Variants in CDH18 observed in about 807,000 individuals in gnomAD.
The protein encoded by CDH18 is cadherin 18, also known as cadherin-18.
CDH18 carries 31 observed loss-of-function variants against 67.9 expected under a neutral mutation model. The observed-to-expected ratio is 0.46, with a 90% CI of 0.34 to 0.62. The LOEUF is 0.62. CDH18 is among the 20% of genes least tolerant of loss of function. The pLI is 0.01. For synonymous variants in CDH18, 362 were observed against 347.2 expected, an observed-to-expected ratio of 1.04 and a Z score of -0.48; for missense variants, 890 against 975.5, an observed-to-expected ratio of 0.91 and a Z score of 1.17.
chr5:19,934,228 T>A lies in CDH18; in HGVS notation c.-257+46832A>T, dbSNP rs1484549010. Among the ~76,000 whole-genome samples, 13 of 151,338 alleles carry A rather than the reference T, an allele frequency of 8.6e-5. No homozygotes were observed. In the East Asian group the frequency reaches 2.5e-3, roughly 29 times the overall value. ...AAAAGGAAGAAAGGAAATAAAAGAA[T>A]AAATGAATTATTTTATGAACATTAG... is the stretch of plus-strand genomic sequence containing the variant. On this transcript the variant is annotated intron_variant, in intron 2 of 12. Coordinates refer to ENST00000382275, the MANE Select transcript of CDH18 (RefSeq NM_004934.5).
chr5:19,566,667 G>T (rs532761087), intron 8 of CDH18, among the ~76,000 whole-genome samples: 2 of 152,144 alleles, frequency 1.3e-5, no homozygotes, highest in South Asian at 2.1e-4. Context: ...CTCCCACCAG[G>T]TCCCTATCAC....
At chr5:20,124,326 G>A (rs1446560156) in intron 2 of CDH18, among the ~76,000 whole-genome samples, 4 of 152,152 alleles carry the variant, frequency 2.6e-5, no homozygotes, top group African/African-American at 9.7e-5. Flanking sequence ...TTTGTGTTCT[G>A]AAGAGAAAGA....
rs1026435729 is a variant in CDH18 at position 20,426,338 on chromosome 5, A to G, written c.-580+149124T>C. Among the ~76,000 whole-genome samples the G allele has an allele frequency of 1.1e-4, 17 of 151,256 alleles. 1 individual carries two copies. The highest frequency in any genetic ancestry group is 4.2e-4 in the African/African-American group (17 of 40,546). On this transcript the variant is annotated intron_variant, in intron 1 of 14. Transcript: ENST00000507958. Reference sequence around the variant, plus strand: ...TATTCTCAGGAAAAGACACTTTATGAGTGCAATGAAAAACTACTAGAGGAT... The same window carrying G: ...TATTCTCAGGAAAAGACACTTTATGGGTGCAATGAAAAACTACTAGAGGAT...
At chr5:19,752,701 C>T (rs1338100374) in intron 3 of CDH18, among the ~76,000 whole-genome samples, 1 of 152,162 alleles carries the variant, frequency 6.6e-6, no homozygotes, top group Non-Finnish European at 1.5e-5. Context: ...GAAAGCACCA[C>T]CTCCTGGCAG....
chr5:20,011,557 C>T (rs961495417), intron 2 of CDH18, among the ~76,000 whole-genome samples: 1 of 152,052 alleles, frequency 6.6e-6, no homozygotes, highest in African/African-American at 2.4e-5. Flanking sequence ...ATGCATCCAG[C>T]TTTTGATTAT....
chr5:19,938,139 T>C (rs952175284), intron 2 of CDH18, among the ~76,000 whole-genome samples: 1 of 150,440 alleles, frequency 6.6e-6, no homozygotes, highest in African/African-American at 2.4e-5. Context: ...AGAGGGTGTA[T>C]ACTGTGAAGC....
intron 5 of CDH18, among the ~76,000 whole-genome samples, chr5:19,716,252 A>G (rs750463781): frequency 1.3e-5 from 2 of 152,134 alleles, no homozygotes; most frequent in Non-Finnish European, 2.9e-5. Context: ...ATGGAAACAG[A>G]AGCAAAAAAC....
chr5:19,662,932 G>T (rs930474864), intron 5 of CDH18, among the ~76,000 whole-genome samples: 3 of 151,940 alleles, frequency 2.0e-5, no homozygotes, highest in African/African-American at 7.2e-5. Context: ...GTGAACAAAG[G>T]TGACTGAATA....
At chr5:19,828,756 G>T (rs993489259) in intron 3 of CDH18, among the ~76,000 whole-genome samples, 1 of 152,112 alleles carries the variant, frequency 6.6e-6, no homozygotes, top group Non-Finnish European at 1.5e-5. Context: ...ACAGGAGCCG[G>T]CTGGGCGCTG....
intron 2 of CDH18, among the ~76,000 whole-genome samples, chr5:20,084,690 T>C (rs1185088425): frequency 6.6e-6 from 1 of 152,148 alleles, no homozygotes; most frequent in Non-Finnish European, 1.5e-5. Context: ...TTCCCAAACC[T>C]CAATTCTTGA....
intron 2 of CDH18, among the ~76,000 whole-genome samples, chr5:20,040,343 T>C (rs985224340): frequency 1.3e-5 from 2 of 152,046 alleles, no homozygotes; most frequent in Non-Finnish European, 2.9e-5. Flanking sequence ...GATGTTGAAA[T>C]GAAATCATGG....
intron 8 of CDH18, among the ~76,000 whole-genome samples, chr5:19,566,253 G>A (rs1323667276): frequency 6.6e-6 from 1 of 152,110 alleles, no homozygotes; most frequent in African/African-American, 2.4e-5. Context: ...TGGAGAAAAG[G>A]GAACCCCCAT....
chr5:20,148,070 C>T (rs745720875), intron 2 of CDH18, among the ~76,000 whole-genome samples: 2 of 151,252 alleles, frequency 1.3e-5, no homozygotes, highest in Non-Finnish European at 3.0e-5. Context: ...GTTAAGCATA[C>T]AATAGTGTCT....
chr5:20,137,851 T>A (rs929002992), intron 2 of CDH18, among the ~76,000 whole-genome samples: 3 of 151,892 alleles, frequency 2.0e-5, no homozygotes, highest in African/African-American at 7.2e-5. Flanking sequence ...AAGTCCAGGA[T>A]CATATGGATT....
chr5:19,670,654 G>A (rs1758616095), intron 5 of CDH18, among the ~76,000 whole-genome samples: 1 of 152,128 alleles, frequency 6.6e-6, no homozygotes. Context: ...AGCTTCCAGA[G>A]ATTATTATAT....
At chr5:20,298,874 C>T (rs531755074) in intron 1 of CDH18, among the ~76,000 whole-genome samples, 1 of 151,806 alleles carries the variant, frequency 6.6e-6, no homozygotes, top group African/African-American at 2.4e-5. Flanking sequence ...AGAAAAAAAA[C>T]ATTTGGATAA....
At chr5:19,600,089 A>G (rs1746843965) in intron 6 of CDH18, among the ~76,000 whole-genome samples, 1 of 151,796 alleles carries the variant, frequency 6.6e-6, no homozygotes, top group South Asian at 2.1e-4. Context: ...TTCTCAGCAA[A>G]CTATTGCAAG....
At chr5:20,480,892 T>C (rs1752758975) in intron 1 of CDH18, among the ~76,000 whole-genome samples, 1 of 152,040 alleles carries the variant, frequency 6.6e-6, no homozygotes, top group Non-Finnish European at 1.5e-5. Context: ...AATTGAAACA[T>C]ACCATTGAAG....
At chr5:19,537,601 T>C (rs527559545) in intron 9 of CDH18, among the ~76,000 whole-genome samples, 153 of 152,180 alleles carry the variant, frequency 1.0e-3, no homozygotes, top group Non-Finnish European at 1.9e-3. Context: ...CAAGACTGAA[T>C]CCATGCATTA....
Sources: allele counts gnomAD v4.1 joint callset (sites outside exome capture counted in the v4.1 genomes callset), GRCh38; gene constraint gnomAD v4.1.1; transcripts MANE v1.5; gene names NCBI Gene and HGNC (gene_info 2026-07-23, HGNC 2026-07-21).